ITIH5: variants seen among roughly 807,000 people sequenced by gnomAD.
The protein encoded by ITIH5 is inter-alpha-trypsin inhibitor heavy chain H5.
In ITIH5, 65 loss-of-function variants were observed where a neutral mutation model predicts 77.5. That is an observed-to-expected ratio of 0.84 (90% CI 0.69 to 1.03). The LOEUF is 1.03. Ranked by LOEUF, ITIH5 falls within the 50% of genes least tolerant of loss-of-function variation. ITIH5 has a pLI of 0.00. For synonymous variants in ITIH5, 525 were observed against 494.3 expected (o/e 1.06, Z -0.82); for missense variants, 1,208 against 1,213.1 (o/e 1.00, Z 0.06).
intron 2 of ITIH5, among the ~76,000 whole-genome samples, chr10:7,645,787 G>A (rs754606605): frequency 6.6e-6 from 1 of 152,250 alleles, no homozygotes; most frequent in African/African-American, 2.4e-5. Flanking sequence ...ACTCCAACAT[G>A]TAGCTTCACC....
intron 7 of ITIH5, among the ~76,000 whole-genome samples, chr10:7,603,789 T>A (rs1245959103): frequency 1.3e-5 from 2 of 152,110 alleles, no homozygotes; most frequent in Non-Finnish European, 2.9e-5. Flanking sequence ...TTCACTGTGT[T>A]AGCCAGGATG....
chr10:7,628,667 A>G (rs561340748), intron 5 of ITIH5, among the ~76,000 whole-genome samples: 2 of 63,516 alleles, frequency 3.1e-5, no homozygotes, highest in African/African-American at 7.6e-5. Flanking sequence ...GGGTTGTCAC[A>G]TGTGTCCATG....
rs1832055286 is a variant in ITIH5 at position 7,562,372 on chromosome 10, C to G, written c.*711G>C. On this transcript the variant is annotated 3_prime_UTR_variant, in exon 14 of 14. Coordinates refer to ENST00000397146, the MANE Select transcript of ITIH5 (RefSeq NM_030569.7). Reference sequence around the variant, plus strand: ...ATTGGAGAATAGCCATTAGCAAAGTCAAGTGGTTTACAAAGCCCATTAGAA... The same window carrying G: ...ATTGGAGAATAGCCATTAGCAAAGTGAAGTGGTTTACAAAGCCCATTAGAA... 6.6e-6 allele frequency: 1 copy of G among 152,206 alleles called. No individual in the cohort carries two copies. Among genetic ancestry groups the G allele is most frequent in the African/African-American group, 2.4e-5 (1 of 41,426 alleles). 9.4% of individuals were successfully genotyped at this position (152,206 alleles called of 1,614,324 possible).
At chr10:7,586,777 A>G (rs1832687786) in intron 7 of ITIH5, among the ~76,000 whole-genome samples, 2 of 152,226 alleles carry the variant, frequency 1.3e-5, no homozygotes, top group East Asian at 3.8e-4. Flanking sequence ...TTACAGAGAA[A>G]GAGGAATTTG....
At chr10:7,652,986 G>A (rs569976300) in intron 2 of ITIH5, among the ~76,000 whole-genome samples, 4 of 152,180 alleles carry the variant, frequency 2.6e-5, no homozygotes, top group Admixed American at 2.6e-4. Flanking sequence ...AGAATGGTTT[G>A]AGCAATAAAA....
rs2130929717 is a variant in ITIH5 at position 7,561,135 on chromosome 10, A to T, written c.*1948T>A. The T allele has an allele frequency of 6.6e-6, 1 of 152,320 alleles. No homozygotes were observed. Among genetic ancestry groups the T allele is most frequent in the Non-Finnish European group, 1.5e-5 (1 of 68,030 alleles). 9.4% of individuals were successfully genotyped at this position (152,320 alleles called of 1,614,324 possible). On this transcript the variant is annotated 3_prime_UTR_variant, in exon 14 of 14. Transcript: ENST00000397146. ...ATATAATTTTTAAAAATGAAAGCTC[A>T]ACTTTGTTACTTATGTTTTTCTGAG...
Position 7,563,105 on chromosome 10 carries a change from C to T in ITIH5, c.2807G>A (p.Arg936Gln), listed in dbSNP as rs3824658. 0.73 allele frequency: 1,180,512 copies of T among 1,609,414 alleles called. 438,592 individuals carry two copies. Among genetic ancestry groups the T allele is most frequent in the Non-Finnish European group, 0.77 (906,167 of 1,178,876 alleles). ...GCTTCAGAGCTCCCTGGACATTCCC[C>T]GGCCAAGTGTCATCCCTGTGTCAAA... ...HPFDTGMTLGRGMSREL is the reference protein window; with the variant it reads ...HPFDTGMTLGQGMSREL Residue 936 changes from arginine to glutamine, a missense_variant, in exon 14 of 14, where the codon CGG becomes CAG. Arg to Gln is a conservative substitution (Grantham distance 43, BLOSUM62 1). Coordinates refer to ENST00000397146, the MANE Select transcript of ITIH5 (RefSeq NM_030569.7).
chr10:7,559,690 A>G lies in ITIH5; in HGVS notation c.*3393T>C. The G allele has an allele frequency of 2.6e-6, 1 of 383,478 alleles. No individual in the cohort carries two copies. The highest frequency in any genetic ancestry group is 7.4e-5 in the East Asian group (1 of 13,452). The allele number at this position is 383,478 out of a possible 1,614,324, so 23.8% of individuals were successfully genotyped here. ...GACTTGAGTAGCTTAAACAAAACAC[A>G]TTTATTTCTCACAGTTCTGGAGGCT... is the stretch of plus-strand genomic sequence containing the variant. On this transcript the variant is annotated 3_prime_UTR_variant, in exon 14 of 14. Transcript: ENST00000397146.
intron 4 of ITIH5, among the ~76,000 whole-genome samples, chr10:7,640,225 C>T (rs768954617): frequency 1.4e-5 from 2 of 147,958 alleles, no homozygotes; most frequent in South Asian, 2.1e-4. Flanking sequence ...AATCCCAGTA[C>T]TTTGAGAGGC....
At position 7,561,106 on chromosome 10, in the gene ITIH5, T is replaced by C. The variant is rs934245374; in HGVS notation, c.*1977A>G. 6.6e-6 allele frequency: 1 copy of C among 152,016 alleles called. No homozygotes were observed. The highest frequency in any genetic ancestry group is 1.9e-4 in the East Asian group (1 of 5,202). 9.4% of individuals were successfully genotyped at this position (152,016 alleles called of 1,614,324 possible). On this transcript the variant is annotated 3_prime_UTR_variant, in exon 14 of 14. Coordinates refer to ENST00000397146, the MANE Select transcript of ITIH5 (RefSeq NM_030569.7). ...GAAAAAAGGTGATATTTTTCTAAAG[T>C]AAAATATAATTTTTAAAAATGAAAG...
chr10:7,604,439 G>A (rs774803470), intron 7 of ITIH5, among the ~76,000 whole-genome samples: 15 of 152,206 alleles, frequency 9.9e-5, no homozygotes, highest in Non-Finnish European at 2.2e-4. Context: ...AACTCTCCTG[G>A]GGGATATCAC....
In ITIH5 at chr10:7,579,756, C is replaced by T. The variant is rs142972791; in HGVS notation, c.1417G>A (p.Gly473Arg). The change falls in exon 9 of 14, where the codon GGG becomes AGG. Residue 473 changes from glycine to arginine, a missense_variant and splice_region_variant. Coordinates refer to ENST00000397146, the MANE Select transcript of ITIH5 (RefSeq NM_030569.7). ...EEEDAGSQLI[G>R]FYDEIRTPLL... ...TGCCTACGAAGACAGACCACAGACC[C>T]GATGAGCTGCGAGCCTGCGTCCTCC... 3.2e-5 allele frequency: 52 copies of T among 1,612,534 alleles called. No homozygotes were observed. The highest frequency in any genetic ancestry group is 1.6e-4 in the Middle Eastern group (1 of 6,084).
chr10:7,640,148 C>CAAAAA (rs56939703), intron 4 of ITIH5, among the ~76,000 whole-genome samples: 4,364 of 80,132 alleles, frequency 0.054, 258 homozygotes, highest in Admixed American at 0.077. Flanking sequence ...GGGGTAACTA[C>CAAAAA]AAAAAAAAAA....
chr10:7,640,691 G>C (rs1833870945), intron 4 of ITIH5, 63 bp downstream of exon 4: 2 of 983,252 alleles, frequency 2.0e-6, no homozygotes, highest in Admixed American at 3.6e-5. Flanking sequence ...AGTAGGCAAA[G>C]GCATAGAAAA....
In ITIH5 at chr10:7,560,984, AAAGGTCCT is replaced by A. The variant is rs1832030458; in HGVS notation, c.*2091_*2098del. On this transcript the variant is annotated 3_prime_UTR_variant, in exon 14 of 14. Transcript: ENST00000397146. ...ACTATATTTTTTTTTTATCAAATGC[AAAGGTCCT>A]AACTATAAGCTTGGTATGGGGTTTC... The A allele has an allele frequency of 6.6e-6, 1 of 150,674 alleles. No homozygotes were observed. The highest frequency in any genetic ancestry group is 1.5e-5 in the Non-Finnish European group (1 of 67,830). 9.3% of individuals were successfully genotyped at this position (150,674 alleles called of 1,614,324 possible).
chr10:7,644,955 A>ATATATATATAT (rs780434611), intron 2 of ITIH5, among the ~76,000 whole-genome samples: 5 of 66,082 alleles, frequency 7.6e-5, no homozygotes, highest in South Asian at 5.3e-4. Flanking sequence ...TATATATCAC[A>ATATATATATAT]CATATATATA....
chr10:7,640,829 C>T lies in ITIH5; in HGVS notation c.326G>A (p.Gly109Asp), dbSNP rs1460742126. The T allele has an allele frequency of 1.2e-6, 2 of 1,612,950 alleles. No individual in the cohort carries two copies. Among genetic ancestry groups the T allele is most frequent in the South Asian group, 1.1e-5 (1 of 91,046 alleles). ...CTTCTTTTCTCTCTCTGTAATTTCG[C>T]CCTGATACACCTTGTCTCCAATAAG... is the stretch of plus-strand genomic sequence containing the variant. ...TMLIGDKVYQ[G>D]EITEREKKSG... The change falls in exon 4 of 14, where the codon GGC (glycine) becomes GAC (aspartate). Residue 109 changes from glycine to aspartate, a missense_variant. Transcript: ENST00000397146.
intron 5 of ITIH5, among the ~76,000 whole-genome samples, chr10:7,627,443 T>G (rs899250026): frequency 6.6e-6 from 1 of 152,082 alleles, no homozygotes; most frequent in East Asian, 1.9e-4. Context: ...CCTTGCGGGA[T>G]GTGTGGCTGG....
At chr10:7,625,081 C>T (rs1015655947) in intron 5 of ITIH5, among the ~76,000 whole-genome samples, 10 of 151,538 alleles carry the variant, frequency 6.6e-5, no homozygotes, top group African/African-American at 2.4e-4. Flanking sequence ...TTGCAGGGTT[C>T]TCTGGCACGC....
Sources: gnomAD v4.1 joint callset for allele counts (sites outside exome capture counted in the v4.1 genomes callset) on GRCh38, gnomAD v4.1.1 for gene constraint, MANE v1.5 for transcripts, NCBI Gene and HGNC (gene_info 2026-07-23, HGNC 2026-07-21) for gene names.